The following NCKAP5 variants were observed in gnomAD, a reference collection of about 807,000 sequenced individuals.
NCKAP5 encodes the protein NCK associated protein 5.
A neutral mutation model predicts 167.0 loss-of-function variants in NCKAP5; 92 were observed. That is an observed-to-expected ratio of 0.55 (90% confidence interval 0.47 to 0.66). The LOEUF (loss-of-function observed/expected upper bound fraction) is 0.66, where lower values mean the gene tolerates loss of function less well. Among genes scored for constraint, NCKAP5 ranks in the 30% least tolerant of loss-of-function variants. The pLI is 0.00. For missense variants in NCKAP5, 2,378 were observed against 2,315.0 expected (o/e 1.03, Z -0.56); for synonymous variants, 891 against 877.4 (o/e 1.02, Z -0.27).
Position 133,439,994 on chromosome 2 carries a change from T to C in NCKAP5, c.69+77464A>G, listed in dbSNP as rs571899114. Among the ~76,000 whole-genome samples the C allele has an allele frequency of 4.8e-4, 73 of 152,372 alleles. 1 individual carries two copies. The highest frequency in any genetic ancestry group is 6.8e-3 in the Middle Eastern group (2 of 292). Reference sequence around the variant, plus strand: ...AAGCGTTCCTCGGGTATGTTGTTTCTATGTTAAACATTAGGATTTACCACA... The same window carrying C: ...AAGCGTTCCTCGGGTATGTTGTTTCCATGTTAAACATTAGGATTTACCACA... On this transcript the variant is annotated intron_variant, in intron 3 of 19. Transcript: ENST00000409261.
intron 2 of NCKAP5, among the ~76,000 whole-genome samples, chr2:133,518,832 T>C (rs1459682269): frequency 1.3e-5 from 2 of 152,170 alleles, no homozygotes; most frequent in Non-Finnish European, 2.9e-5. Flanking sequence ...CAGATTACAT[T>C]TAAAAACAGT....
chr2:132,963,683 T>A (rs1430214100), intron 8 of NCKAP5, 37 bp downstream of exon 8: 1 of 1,601,254 alleles, frequency 6.2e-7, no homozygotes, highest in Non-Finnish European at 8.5e-7. Context: ...ATACTGTTAT[T>A]TTTCTTGAAG....
At chr2:132,677,885 C>T (rs1345260944) in intron 19 of NCKAP5, among the ~76,000 whole-genome samples, 1 of 152,048 alleles carries the variant, frequency 6.6e-6, no homozygotes, top group East Asian at 1.9e-4. Flanking sequence ...TGAGGAAGGC[C>T]AGAGTCAGCT....
At chr2:133,077,317 G>C (rs1246274640) in intron 6 of NCKAP5, among the ~76,000 whole-genome samples, 1 of 152,158 alleles carries the variant, frequency 6.6e-6, no homozygotes, top group Non-Finnish European at 1.5e-5. Context: ...AGTCCAACTG[G>C]ATTTAAAAAC....
intron 5 of NCKAP5, among the ~76,000 whole-genome samples, chr2:133,139,683 C>G (rs1481220230): frequency 2.0e-5 from 3 of 152,090 alleles, no homozygotes; most frequent in African/African-American, 7.2e-5. Context: ...AGAGTGGACT[C>G]TAGAGGTGAG....
At chr2:132,701,281 G>A (rs941716115) in intron 19 of NCKAP5, among the ~76,000 whole-genome samples, 5 of 152,044 alleles carry the variant, frequency 3.3e-5, no homozygotes, top group South Asian at 2.1e-4. Flanking sequence ...TAATGAGGGC[G>A]GGATAAGAGA....
At chr2:133,355,956 C>A (rs1160573743) in intron 3 of NCKAP5, among the ~76,000 whole-genome samples, 1 of 151,788 alleles carries the variant, frequency 6.6e-6, no homozygotes, top group Non-Finnish European at 1.5e-5. Flanking sequence ...GAGACAGGGT[C>A]TCCATCTGTC....
intron 3 of NCKAP5, among the ~76,000 whole-genome samples, chr2:133,464,491 C>T: frequency 6.6e-6 from 1 of 152,164 alleles, no homozygotes; most frequent in Admixed American, 6.5e-5. Flanking sequence ...AGATTGAGAC[C>T]ATCCCGGCTA....
Position 132,850,781 on chromosome 2 carries a change from C to T in NCKAP5, c.807+9711G>A, listed in dbSNP as rs141282813. On this transcript the variant is annotated intron_variant, in intron 11 of 19. Transcript: ENST00000409261. Reference sequence around the variant, plus strand: ...GGCTCCTTTTAATTATGTTATTTTACAGAAACTCTGCTGATCCTTCTGCTT... The same window carrying T: ...GGCTCCTTTTAATTATGTTATTTTATAGAAACTCTGCTGATCCTTCTGCTT... 1.8e-4 allele frequency among the ~76,000 whole-genome samples: 28 copies of T among 152,132 alleles called. No homozygotes were observed. In the East Asian group the frequency reaches 5.4e-3, roughly 30 times the overall value.
chr2:133,206,011 C>G (rs985257167), intron 5 of NCKAP5, among the ~76,000 whole-genome samples: 1 of 152,078 alleles, frequency 6.6e-6, no homozygotes, highest in African/African-American at 2.4e-5. Flanking sequence ...ATAATCTAAA[C>G]TATGCTTTTT....
At chr2:133,387,430 G>A (rs1687066217) in intron 3 of NCKAP5, among the ~76,000 whole-genome samples, 1 of 152,172 alleles carries the variant, frequency 6.6e-6, no homozygotes, top group South Asian at 2.1e-4. Context: ...TAGTCTGATG[G>A]GCTTCCCTTT....
At chr2:132,771,348 T>C (rs1682030937) in intron 16 of NCKAP5, among the ~76,000 whole-genome samples, 2 of 152,286 alleles carry the variant, frequency 1.3e-5, no homozygotes, top group East Asian at 1.9e-4. Flanking sequence ...TCTTACAGAA[T>C]AAGGATATAA....
intron 7 of NCKAP5, among the ~76,000 whole-genome samples, chr2:132,992,298 G>C (rs2077472175): frequency 6.6e-6 from 1 of 152,190 alleles, no homozygotes; most frequent in Admixed American, 6.5e-5. Context: ...GTTTCTTAAA[G>C]CATATCTGTT....
At chr2:133,176,241 C>T in intron 5 of NCKAP5, among the ~76,000 whole-genome samples, 1 of 152,180 alleles carries the variant, frequency 6.6e-6, no homozygotes, top group South Asian at 2.1e-4. Context: ...CCAAGTGAAA[C>T]CCATGTTGCC....
At chr2:133,184,868 C>T (rs2084879939) in intron 5 of NCKAP5, among the ~76,000 whole-genome samples, 1 of 152,032 alleles carries the variant, frequency 6.6e-6, no homozygotes, top group African/African-American at 2.4e-5. Flanking sequence ...GATATTAGAC[C>T]TTCGTCAGAT....
At chr2:132,795,784 A>G (rs1684530577) in intron 12 of NCKAP5, among the ~76,000 whole-genome samples, 1 of 142,074 alleles carries the variant, frequency 7.0e-6, no homozygotes, top group Non-Finnish European at 1.5e-5. Flanking sequence ...GCGCCATTGC[A>G]CTCCAGCCAG....
intron 2 of NCKAP5, chr2:133,527,020 G>C (rs1439581624): frequency 2.0e-5 from 3 of 152,028 alleles, no homozygotes; most frequent in Admixed American, 2.0e-4. Context: ...TGGGATGCTG[G>C]GGGAATTATA....
intron 16 of NCKAP5, among the ~76,000 whole-genome samples, chr2:132,742,351 G>A (rs958604420): frequency 4.6e-5 from 7 of 151,926 alleles, no homozygotes; most frequent in South Asian, 4.1e-4. Flanking sequence ...GTACAATGCC[G>A]CAGGAAGAGA....
intron 5 of NCKAP5, among the ~76,000 whole-genome samples, chr2:133,203,689 T>A (rs753733970): frequency 4.6e-5 from 7 of 151,998 alleles, no homozygotes; most frequent in Non-Finnish European, 1.0e-4. Context: ...TTTACCTAAA[T>A]CTAAGTGTCG....
Sources: allele counts gnomAD v4.1 joint callset (sites outside exome capture counted in the v4.1 genomes callset), GRCh38; gene constraint gnomAD v4.1.1; transcripts MANE v1.5; gene names NCBI Gene and HGNC (gene_info 2026-07-23, HGNC 2026-07-21).